PTPRD: variants seen among roughly 807,000 people sequenced by gnomAD.
PTPRD encodes protein tyrosine phosphatase receptor type D, also known as receptor-type tyrosine-protein phosphatase delta.
Under a neutral mutation model 214.5 loss-of-function variants are expected in PTPRD, and 34 were observed. The observed-to-expected ratio is 0.16, with a 90% CI of 0.12 to 0.21. The LOEUF is 0.21. PTPRD is among the 10% of genes least tolerant of loss of function. The pLI is 1.00. For synonymous variants in PTPRD, 1,128 were observed against 845.7 expected (o/e 1.33, Z -5.79); for missense variants, 2,545 against 2,398.7 (o/e 1.06, Z -1.27).
At chr9:9,171,481 TG>T (rs1331460811) in intron 10 of PTPRD, among the ~76,000 whole-genome samples, 2 of 151,374 alleles carry the variant, frequency 1.3e-5, no homozygotes, top group African/African-American at 4.8e-5. Flanking sequence ...CATGAAAAAA[TG>T]CGGGAAGTGA....
chr9:8,500,701 C>G lies in PTPRD; in HGVS notation c.2128+53G>C, dbSNP rs1169769386. 35 of 1,535,628 alleles carry G rather than the reference C, an allele frequency of 2.3e-5. No homozygotes were observed. The East Asian group carries it at 7.0e-4, about 31-fold the overall frequency. On this transcript the variant is annotated intron_variant, in intron 24 of 45. Coordinates refer to ENST00000381196, the MANE Select transcript of PTPRD (RefSeq NM_002839.4). Reference sequence around the variant, plus strand: ...TTACTGTGAGCCTATTGAAAGACAGCAGATCAAGACTGTGTCAGAAGGGTG... The same window carrying G: ...TTACTGTGAGCCTATTGAAAGACAGGAGATCAAGACTGTGTCAGAAGGGTG...
chr9:10,077,735 A>G (rs1422233943), intron 3 of PTPRD, among the ~76,000 whole-genome samples: 1 of 152,136 alleles, frequency 6.6e-6, no homozygotes, highest in Non-Finnish European at 1.5e-5. Flanking sequence ...TTAATAAGTA[A>G]GAACCTTTGG....
At chr9:8,736,794 T>A (rs954269426) in intron 11 of PTPRD, among the ~76,000 whole-genome samples, 4 of 151,922 alleles carry the variant, frequency 2.6e-5, no homozygotes, top group Admixed American at 6.6e-5. Context: ...CTGTTCCAAA[T>A]CAGCTATTGT....
At chr9:8,845,467 G>A (rs533130319) in intron 11 of PTPRD, among the ~76,000 whole-genome samples, 101 of 152,318 alleles carry the variant, frequency 6.6e-4, no homozygotes, top group African/African-American at 2.4e-3. Flanking sequence ...AAATCAGTGA[G>A]GCAAATTTCT....
chr9:8,858,968 G>C (rs922255667), intron 11 of PTPRD, among the ~76,000 whole-genome samples: 11 of 152,314 alleles, frequency 7.2e-5, no homozygotes, highest in East Asian at 5.8e-4. Flanking sequence ...ACACCCGGGC[G>C]CTTCCTGCTC....
At chr9:10,237,467 A>G (rs1595014780) in intron 3 of PTPRD, among the ~76,000 whole-genome samples, 1 of 152,064 alleles carries the variant, frequency 6.6e-6, no homozygotes, top group South Asian at 2.1e-4. Context: ...ACATACCAAT[A>G]GGGAGAAGGA....
At chr9:9,432,819 T>G (rs985158434) in intron 8 of PTPRD, among the ~76,000 whole-genome samples, 1 of 152,198 alleles carries the variant, frequency 6.6e-6, no homozygotes, top group African/African-American at 2.4e-5. Flanking sequence ...TTTCTTATAT[T>G]TCCTGTGGCA....
At chr9:10,571,132 T>C (rs1256661213) in intron 2 of PTPRD, among the ~76,000 whole-genome samples, 2 of 152,178 alleles carry the variant, frequency 1.3e-5, no homozygotes, top group Non-Finnish European at 2.9e-5. Context: ...ATTTTGTTTT[T>C]TTAAGAATAT....
Position 10,340,819 on chromosome 9 carries a change from G to A in PTPRD, c.-545+144C>T, listed in dbSNP as rs1276396509. On this transcript the variant is annotated intron_variant, in intron 3 of 45. Coordinates refer to ENST00000381196, the MANE Select transcript of PTPRD (RefSeq NM_002839.4). ...ACTAAATCCAGGTGGCACACCATTA[G>A]TGCACTGACCATATGTGATTTAAGC... The A allele has an allele frequency of 5.3e-5, 8 of 152,000 alleles. No individual in the cohort carries two copies. In the East Asian group the frequency reaches 1.6e-3, roughly 30 times the overall value. The allele number at this position is 152,000 out of a possible 1,614,324, so 9.4% of individuals were successfully genotyped here. A position where few individuals can be genotyped will look rare whatever the true frequency, so the allele number is the denominator to read the frequency against.
rs2132439530 is a variant in PTPRD at position 8,341,230 on chromosome 9, G to C, written c.4986C>G (p.Ile1662Met). Reference sequence around the variant, plus strand: ...ATTTATTACATGGAAGATTGGCACTGATAAACCTTGAGGTGTGAGCTTTTG... The same window carrying C: ...ATTTATTACATGGAAGATTGGCACTCATAAACCTTGAGGTGTGAGCTTTTG... Reference protein sequence around the residue: ...ASSKAHTSRFISANLPCNKFK... With the variant: ...ASSKAHTSRFMSANLPCNKFK... Residue 1662 changes from isoleucine (I) to methionine (M), a missense_variant, in exon 41 of 46, where the codon ATC (isoleucine) becomes ATG (methionine). Ile to Met is a conservative substitution (Grantham distance 10, BLOSUM62 1). Transcript: ENST00000381196. The C allele has an allele frequency of 6.2e-7, 1 of 1,612,094 alleles. No homozygotes were observed. Among genetic ancestry groups the C allele is most frequent in the Non-Finnish European group, 8.5e-7 (1 of 1,179,088 alleles).
chr9:9,236,752 G>C (rs910655721), intron 9 of PTPRD, among the ~76,000 whole-genome samples: 1 of 151,656 alleles, frequency 6.6e-6, no homozygotes, highest in Admixed American at 6.6e-5. Flanking sequence ...TTGATTATTT[G>C]GGCTTTGTGT....
At chr9:10,243,579 C>T (rs1270457168) in intron 3 of PTPRD, among the ~76,000 whole-genome samples, 1 of 151,922 alleles carries the variant, frequency 6.6e-6, no homozygotes, top group Non-Finnish European at 1.5e-5. Context: ...AAGATCCACC[C>T]TTCACACTGC....
chr9:9,321,825 T>C (rs903698833), intron 9 of PTPRD, among the ~76,000 whole-genome samples: 5 of 152,158 alleles, frequency 3.3e-5, no homozygotes, highest in African/African-American at 9.7e-5. Flanking sequence ...AGATAATTCA[T>C]GTAAGGTGGT....
chr9:8,401,769 A>G (rs2092427137), intron 36 of PTPRD, among the ~76,000 whole-genome samples: 1 of 152,182 alleles, frequency 6.6e-6, no homozygotes, highest in Non-Finnish European at 1.5e-5. Flanking sequence ...TTGTTGTTCT[A>G]ATGTCTGTCA....
At chr9:10,339,337 G>C (rs928489149) in intron 3 of PTPRD, among the ~76,000 whole-genome samples, 1 of 151,676 alleles carries the variant, frequency 6.6e-6, no homozygotes, top group African/African-American at 2.4e-5. Flanking sequence ...AAATGCTTTA[G>C]CATAACACAC....
At chr9:9,191,184 C>T (rs907454002) in intron 9 of PTPRD, among the ~76,000 whole-genome samples, 1 of 152,102 alleles carries the variant, frequency 6.6e-6, no homozygotes, top group Non-Finnish European at 1.5e-5. Context: ...CTGGAAAAAG[C>T]CAGTTACCAC....
chr9:10,438,260 T>C (rs558184765), intron 2 of PTPRD, among the ~76,000 whole-genome samples: 1 of 151,628 alleles, frequency 6.6e-6, no homozygotes, highest in South Asian at 2.1e-4. Flanking sequence ...ATGATGGAGG[T>C]AACCTCATCG....
intron 2 of PTPRD, among the ~76,000 whole-genome samples, chr9:10,549,644 T>C (rs1356079531): frequency 6.6e-6 from 1 of 152,096 alleles, no homozygotes. Flanking sequence ...GTATATCCAC[T>C]CCAGAAGATT....
intron 3 of PTPRD, among the ~76,000 whole-genome samples, chr9:10,239,057 T>C (rs565314202): frequency 6.6e-6 from 1 of 151,938 alleles, no homozygotes; most frequent in Non-Finnish European, 1.5e-5. Context: ...TTTGGAGTAA[T>C]CTGAGTCTTA....
Sources: allele counts gnomAD v4.1 joint callset (sites outside exome capture counted in the v4.1 genomes callset), GRCh38; gene constraint gnomAD v4.1.1; transcripts MANE v1.5; gene names NCBI Gene and HGNC (gene_info 2026-07-23, HGNC 2026-07-21).